PTCHD4: variants seen among roughly 807,000 people sequenced by gnomAD.
PTCHD4 encodes the protein patched domain-containing protein 4.
A neutral mutation model predicts 58.1 loss-of-function variants in PTCHD4; 33 were observed. That is an observed-to-expected ratio of 0.57 (90% CI 0.43 to 0.76). The LOEUF is 0.76. PTCHD4 is among the 30% of genes least tolerant of loss of function. PTCHD4 has a pLI of 0.00. For synonymous variants in PTCHD4, 478 were observed against 409.6 expected (o/e 1.17, Z -2.02); for missense variants, 1,058 against 1,027.1 (o/e 1.03, Z -0.41).
chr6:47,875,156 A>G lies in PTCHD4; in HGVS notation c.*3147T>C, dbSNP rs549773627. On this transcript the variant is annotated 3_prime_UTR_variant, in exon 5 of 5. Transcript: ENST00000339488. ...TTAAATAAAATATTACACAAAGCTAACATATTTCCCACAAATTTCTTCTCT... is the reference window on the plus strand; with the variant it reads ...TTAAATAAAATATTACACAAAGCTAGCATATTTCCCACAAATTTCTTCTCT... 4.1e-4 allele frequency among the ~76,000 whole-genome samples: 62 copies of G among 152,018 alleles called. 1 individual carries two copies. Among genetic ancestry groups the G allele is most frequent in the African/African-American group, 1.4e-3 (58 of 41,526 alleles).
chr6:47,999,281 C>T (rs138165226), intron 4 of PTCHD4, among the ~76,000 whole-genome samples: 8 of 152,166 alleles, frequency 5.3e-5, no homozygotes, highest in African/African-American at 1.9e-4. Context: ...CTCTAAGCCT[C>T]TAAGCATAAG....
rs372629923 is a variant in PTCHD4, at chr6:48,091,145, A to G, written c.-970+19904T>C. 1.3e-3 allele frequency among the ~76,000 whole-genome samples: 193 copies of G among 152,296 alleles called. 4 individuals carry two copies. In the South Asian group the frequency reaches 0.039, roughly 30 times the overall value. On this transcript the variant is annotated intron_variant, in intron 1 of 4. Transcript: ENST00000339488. ...TGAGGAAACATACAGATTAACAAAA[A>G]TCATTATATGTTAGTATGCATTAGG...
intron 4 of PTCHD4, among the ~76,000 whole-genome samples, chr6:47,943,617 G>C (rs1360532016): frequency 6.6e-6 from 1 of 151,994 alleles, no homozygotes; most frequent in Non-Finnish European, 1.5e-5. Context: ...AATCCCCCCT[G>C]CTGCTTGTTT....
rs1051352915 is a variant in PTCHD4, at chr6:47,871,419, T to C, written c.*6884A>G. ...GAATTTTTCTGAAGTTATTCACAGA[T>C]TATTTGTGCATCTTACTGGGTAGAC... is the stretch of plus-strand genomic sequence containing the variant. On this transcript the variant is annotated 3_prime_UTR_variant, in exon 5 of 5. Transcript: ENST00000339488. Among the ~76,000 whole-genome samples the C allele has an allele frequency of 6.6e-6, 1 of 151,624 alleles. No individual in the cohort carries two copies.
At chr6:47,887,622 C>T (rs879408751) in intron 4 of PTCHD4, among the ~76,000 whole-genome samples, 3 of 152,140 alleles carry the variant, frequency 2.0e-5, no homozygotes, top group East Asian at 1.9e-4. Context: ...AATGAAATTA[C>T]TTGTTCTATG....
intron 3 of PTCHD4, among the ~76,000 whole-genome samples, chr6:48,067,785 T>C (rs1214153231): frequency 6.6e-6 from 1 of 152,196 alleles, no homozygotes; most frequent in East Asian, 1.9e-4. Context: ...AAAGATGTAA[T>C]TGCAGGGTCT....
intron 1 of PTCHD4, among the ~76,000 whole-genome samples, chr6:48,088,500 T>C (rs1232970523): frequency 6.6e-6 from 1 of 152,178 alleles, no homozygotes; most frequent in Non-Finnish European, 1.5e-5. Context: ...GTGCATAAAA[T>C]GAATGCTCCT....
At chr6:47,997,816 TG>T (rs1768559547) in intron 4 of PTCHD4, among the ~76,000 whole-genome samples, 1 of 152,218 alleles carries the variant, frequency 6.6e-6, no homozygotes, top group Admixed American at 6.5e-5. Context: ...CCTCAATTCT[TG>T]GAAGCCTAAG....
At chr6:48,058,635 A>G (rs1281818578) in intron 3 of PTCHD4, among the ~76,000 whole-genome samples, 4 of 152,242 alleles carry the variant, frequency 2.6e-5, no homozygotes, top group Non-Finnish European at 5.9e-5. Flanking sequence ...CATCAGAGAA[A>G]TAGAAAAACC....
chr6:48,091,853 T>C (rs932741328), intron 1 of PTCHD4, among the ~76,000 whole-genome samples: 2 of 152,100 alleles, frequency 1.3e-5, no homozygotes, highest in African/African-American at 4.8e-5. Flanking sequence ...TTTTGCCATG[T>C]TGGCTAGGCT....
At chr6:47,928,287 G>A (rs1285084009) in intron 4 of PTCHD4, among the ~76,000 whole-genome samples, 3 of 152,144 alleles carry the variant, frequency 2.0e-5, no homozygotes, top group Non-Finnish European at 4.4e-5. Context: ...TCCAACTTTA[G>A]CAGGAAAGAG....
chr6:47,917,664 A>G (rs1268892950), intron 4 of PTCHD4, among the ~76,000 whole-genome samples: 1 of 152,160 alleles, frequency 6.6e-6, no homozygotes, highest in African/African-American at 2.4e-5. Flanking sequence ...AAGGTCTGAA[A>G]TCTTACAATT....
At chr6:47,972,663 C>A (rs957738736) in intron 4 of PTCHD4, among the ~76,000 whole-genome samples, 1 of 151,862 alleles carries the variant, frequency 6.6e-6, no homozygotes, top group African/African-American at 2.4e-5. Context: ...TGCTCTGTAT[C>A]AATCTATCAC....
At position 48,068,345 on chromosome 6, in the gene PTCHD4, T is replaced by C; in HGVS notation, c.302A>G (p.Asp101Gly). The stretch of plus-strand genomic sequence containing the variant: ...GCCATACCTCCCAGGGGTGTGTAAG[T>C]CCGAATAGAGCTGGCTTTTGGACTG... ...LDQSKSQLYS[D>G]LHTPGRYGRV... Residue 101 changes from aspartate to glycine, a missense_variant, in exon 3 of 5, where the codon GAC becomes GGC. Physicochemically the swap from Asp to Gly is moderately conservative, Grantham distance 94. Coordinates refer to ENST00000339488, the MANE Select transcript of PTCHD4 (RefSeq NM_001384253.1). This position sits in a 1 kb window ranked among gnomAD's most constrained non-coding sequence, Gnocchi z 4.2. The C allele has an allele frequency of 6.2e-7, 1 of 1,613,812 alleles. No homozygotes were observed. Among genetic ancestry groups the C allele is most frequent in the Non-Finnish European group, 8.5e-7 (1 of 1,179,856 alleles).
intron 1 of PTCHD4, among the ~76,000 whole-genome samples, chr6:48,099,052 G>A (rs970115906): frequency 1.3e-5 from 2 of 152,072 alleles, no homozygotes; most frequent in African/African-American, 4.8e-5. Flanking sequence ...ATTTTTGTCT[G>A]GAATTGCTAT....
At chr6:47,970,254 C>CA (rs1173731678) in intron 4 of PTCHD4, among the ~76,000 whole-genome samples, 1 of 151,530 alleles carries the variant, frequency 6.6e-6, no homozygotes, top group Non-Finnish European at 1.5e-5. Context: ...ATGTAGCTTT[C>CA]AAAAAAATAT....
chr6:47,965,962 A>G (rs1240723727), intron 4 of PTCHD4, among the ~76,000 whole-genome samples: 1 of 151,980 alleles, frequency 6.6e-6, no homozygotes, highest in African/African-American at 2.4e-5. Context: ...AACAAAAAAA[A>G]CCCTCTTGGT....
chr6:47,967,819 A>G (rs990140084), intron 4 of PTCHD4, among the ~76,000 whole-genome samples: 2 of 152,146 alleles, frequency 1.3e-5, no homozygotes, highest in Non-Finnish European at 1.5e-5. Flanking sequence ...GCCTTCCTAA[A>G]TTGAAAAATT....
chr6:47,887,599 G>C (rs778849327), intron 4 of PTCHD4, among the ~76,000 whole-genome samples: 4 of 152,164 alleles, frequency 2.6e-5, no homozygotes, highest in Non-Finnish European at 4.4e-5. Flanking sequence ...ATCTAACAGA[G>C]AATGGAATAT....
Sources: gnomAD v4.1 joint callset for allele counts (sites outside exome capture counted in the v4.1 genomes callset) on GRCh38, gnomAD v4.1.1 for gene constraint, Gnocchi (gnomAD v3.1) non-coding constraint, MANE v1.5 for transcripts, NCBI Gene and HGNC (gene_info 2026-07-23, HGNC 2026-07-21) for gene names.